ITGB4: variants seen among roughly 807,000 people sequenced by gnomAD.
The protein encoded by ITGB4 is integrin beta-4.
In ITGB4, 159 loss-of-function variants were observed where a neutral mutation model predicts 207.6. The ratio of observed to expected loss-of-function variants is 0.77; its 90% CI spans 0.67 to 0.87. The LOEUF (loss-of-function observed/expected upper bound fraction) is 0.87, where lower values mean the gene tolerates loss of function less well. Among genes scored for constraint, ITGB4 ranks in the 40% least tolerant of loss-of-function variants. ITGB4 has a pLI of 0.00. For missense variants in ITGB4, 2,278 were observed against 2,546.8 expected (o/e 0.89, Z 2.27); for synonymous variants, 1,020 against 1,062.7 (o/e 0.96, Z 0.78).
intron 30 of ITGB4, chr17:75,751,468 C>A: frequency 2.9e-6 from 1 of 346,692 alleles, no homozygotes. Context: ...ACAGGAGGTT[C>A]TGAATTTCAG....
Position 75,754,473 on chromosome 17 carries a change from C to T in ITGB4, c.4319-103C>T. On this transcript the variant is annotated intron_variant, in intron 33 of 39. Transcript: ENST00000200181. Reference sequence around the variant, plus strand: ...GAAACTGGTTGTATTTAAGCAAAAGCCACCCAGAGGGTGGGTGACCAGGAA... The same window carrying T: ...GAAACTGGTTGTATTTAAGCAAAAGTCACCCAGAGGGTGGGTGACCAGGAA... The T allele has an allele frequency of 2.0e-6, 3 of 1,469,470 alleles. No homozygotes were observed. In the South Asian group the frequency reaches 3.4e-5, roughly 17 times the overall value. 91.0% of individuals were successfully genotyped at this position (1,469,470 alleles called of 1,614,324 possible).
At position 75,727,310 on chromosome 17, in the gene ITGB4, G is replaced by A. The variant is rs1157366368; in HGVS notation, c.162+33G>A. 7 of 1,612,976 alleles carry A rather than the reference G, an allele frequency of 4.3e-6. No homozygotes were observed. The highest frequency in any genetic ancestry group is 5.9e-6 in the Non-Finnish European group (7 of 1,179,260). The stretch of plus-strand genomic sequence containing the variant: ...CCTGGCCCGGGTTGGTGTGGAACAG[G>A]CAAGGGTCGGGAATAGCTGGTGGAA... On this transcript the variant is annotated intron_variant, in intron 3 of 39. Transcript: ENST00000200181. This position sits in a 1 kb window ranked among gnomAD's most constrained non-coding sequence, Gnocchi z 6.0.
At position 75,727,430 on chromosome 17, in the gene ITGB4, C is replaced by G; in HGVS notation, c.189C>G (p.Thr63=). The change falls in exon 4 of 40, where the codon ACC becomes ACG. Residue 63 remains threonine, a synonymous_variant. Coordinates refer to ENST00000200181, the MANE Select transcript of ITGB4 (RefSeq NM_000213.5). This position sits in a 1 kb window ranked among gnomAD's most constrained non-coding sequence, Gnocchi z 6.0. ...TGTTCAGGGACCGGCGCTGCAACAC[C>G]CAGGCGGAGCTGCTGGCCGCGGGCT... ...DEMFRDRRCN[T]QAELLAAGCQ... 6.2e-7 allele frequency: 1 copy of G among 1,614,048 alleles called. No homozygotes were observed. Among genetic ancestry groups the G allele is most frequent in the Non-Finnish European group, 8.5e-7 (1 of 1,180,026 alleles).
chr17:75,734,818 G>A (rs2060939821), intron 13 of ITGB4, among the ~76,000 whole-genome samples: 1 of 152,224 alleles, frequency 6.6e-6, no homozygotes. Flanking sequence ...AGGGAGGTAT[G>A]AGAGAGGAAG....
intron 32 of ITGB4, among the ~76,000 whole-genome samples, chr17:75,753,073 A>G (rs954156524): frequency 6.6e-6 from 1 of 152,258 alleles, no homozygotes; most frequent in South Asian, 2.1e-4. Context: ...CCTGTGGGAC[A>G]TCAGATGAAT....
At position 75,750,126 on chromosome 17, in the gene ITGB4, G is replaced by C. The variant is rs1370395717; in HGVS notation, c.3332G>C (p.Ser1111Thr). The change falls in exon 28 of 40, where the codon AGC becomes ACC. Residue 1111 changes from serine to threonine, a missense_variant. Ser to Thr is a moderately conservative substitution (Grantham distance 58, BLOSUM62 1). Transcript: ENST00000200181. The surrounding 1 kb of genome is among the most constrained non-coding windows in gnomAD (Gnocchi z 5.5). ...GACCCGTTAGATGAACTGGACCGGA[G>C]CTTCACGAGTCAGATGTTGTCATCA... ...IIRDPDELDR[S>T]FTSQMLSSQP... 2 of 1,613,714 alleles carry C rather than the reference G, an allele frequency of 1.2e-6. No individual in the cohort carries two copies. Among genetic ancestry groups the C allele is most frequent in the East Asian group, 2.2e-5 (1 of 44,888 alleles).
At position 75,742,236 on chromosome 17, in the gene ITGB4, T is replaced by C; in HGVS notation, c.2634-105T>C. The C allele has an allele frequency of 7.0e-7, 1 of 1,428,076 alleles. No homozygotes were observed. The highest frequency in any genetic ancestry group is 1.8e-5 in the Admixed American group (1 of 55,608). The allele number at this position is 1,428,076 out of a possible 1,614,324, so 88.5% of individuals were successfully genotyped here. A position where few individuals can be genotyped will look rare whatever the true frequency, so the allele number is the denominator to read the frequency against. ...CCTCTGAAGACCCTGCACTTCTTGC[T>C]GTCTTACATCCTGGCCCCTGAAGGG... On this transcript the variant is annotated intron_variant, in intron 23 of 39. Coordinates refer to ENST00000200181, the MANE Select transcript of ITGB4 (RefSeq NM_000213.5). This position sits in a 1 kb window ranked among gnomAD's most constrained non-coding sequence, Gnocchi z 5.9.
In ITGB4 at chr17:75,737,401, C is replaced by T. The variant is rs140265734; in HGVS notation, c.2070C>T (p.Gly690=). ...ACAGCTACACCATGGAAGGTGACGG[C>T]GCCCCTGGGCCCAACAGCACTGTCC... The part of the protein sequence containing the change: ...CTYSYTMEGD[G]APGPNSTVLV... The change falls in exon 17 of 40, where the codon GGC becomes GGT. Residue 690 remains glycine (G), a synonymous_variant. Transcript: ENST00000200181. 84 of 1,563,508 alleles carry T rather than the reference C, an allele frequency of 5.4e-5. 1 individual carries two copies. The African/African-American group carries it at 9.1e-4, about 17-fold the overall frequency.
chr17:75,754,155 C>T (rs987518724), intron 33 of ITGB4, among the ~76,000 whole-genome samples, 181 bp downstream of exon 33: 1 of 152,156 alleles, frequency 6.6e-6, no homozygotes, highest in African/African-American at 2.4e-5. Flanking sequence ...GTGAGGCAGG[C>T]GCTTGGGCCC....
chr17:75,743,858 C>G lies in ITGB4; in HGVS notation c.3108C>G (p.Asn1036Lys), dbSNP rs767298960. ...YRTQDGTAQG[N>K]RDYIPVEGEL... The stretch of plus-strand genomic sequence containing the variant: ...CACAGGATGGCACCGCGCAGGGCAA[C>G]CGGGTGAGGCTGCGCCACAGGGTCG... Residue 1036 changes from asparagine to lysine, a missense_variant, in exon 26 of 40, where the codon AAC becomes AAG. Coordinates refer to ENST00000200181, the MANE Select transcript of ITGB4 (RefSeq NM_000213.5). 1 of 1,583,410 alleles carries G rather than the reference C, an allele frequency of 6.3e-7. No individual in the cohort carries two copies. The highest frequency in any genetic ancestry group is 1.1e-5 in the South Asian group (1 of 87,830).
intron 1 of ITGB4, among the ~76,000 whole-genome samples, chr17:75,723,502 C>A (rs1427706059): frequency 1.3e-5 from 2 of 152,230 alleles, no homozygotes; most frequent in Non-Finnish European, 2.9e-5. Context: ...CCTCTAGGAA[C>A]CCTGCTGTCC....
chr17:75,731,423 G>C lies in ITGB4; in HGVS notation c.1215+55G>C. The stretch of plus-strand genomic sequence containing the variant: ...GGATAGGCACAGCGCCCCACACCGA[G>C]TGGAATCGTTTAAAACAGCGGTCAA... On this transcript the variant is annotated intron_variant, in intron 10 of 39. Transcript: ENST00000200181. This position sits in a 1 kb window ranked among gnomAD's most constrained non-coding sequence, Gnocchi z 6.8. 1 of 1,560,446 alleles carries C rather than the reference G, an allele frequency of 6.4e-7. No individual in the cohort carries two copies. Among genetic ancestry groups the C allele is most frequent in the Non-Finnish European group, 8.7e-7 (1 of 1,144,118 alleles).
intron 32 of ITGB4, 112 bp from the exon 33 acceptor site, chr17:75,753,653 C>T: frequency 1.5e-6 from 1 of 675,900 alleles, no homozygotes; most frequent in Non-Finnish European, 2.1e-6. Context: ...ACCCCGGGAT[C>T]CCGGGAGCTG....
Position 75,757,049 on chromosome 17 carries a change from C to T in ITGB4, c.5160C>T (p.Thr1720=), listed in dbSNP as rs2061528606. ...ACAAGTTCAAGGTGCAGGCCAGGAC[C>T]ACTGAGGGCTTCGGGCCAGAGCGCG... The part of the protein sequence containing the change: ...VPYKFKVQAR[T]TEGFGPEREG... Residue 1720 remains threonine (T), a synonymous_variant, in exon 38 of 40, where the codon ACC becomes ACT. Transcript: ENST00000200181. The T allele has an allele frequency of 1.2e-6, 2 of 1,612,742 alleles. No homozygotes were observed. Among genetic ancestry groups the T allele is most frequent in the Admixed American group, 3.3e-5 (2 of 59,988 alleles).
chr17:75,730,639 C>G (rs1275513423), intron 8 of ITGB4, 135 bp downstream of exon 8: 3 of 1,118,336 alleles, frequency 2.7e-6, no homozygotes, highest in Non-Finnish European at 3.8e-6. Flanking sequence ...CCTCCCTTTC[C>G]TTCCTCCCTT....
intron 30 of ITGB4, 188 bp from the exon 31 acceptor site, chr17:75,751,986 T>A: frequency 1.4e-6 from 1 of 731,342 alleles, no homozygotes; most frequent in South Asian, 1.5e-5. Context: ...ACTGGTGACA[T>A]ATGTCCACGC....
intron 34 of ITGB4, chr17:75,755,088 G>A (rs139368129): frequency 1.2e-6 from 2 of 1,602,096 alleles, no homozygotes; most frequent in Non-Finnish European, 1.7e-6. Flanking sequence ...GGGAGGAGCA[G>A]GCTTCCGCTG....
At chr17:75,723,280 C>T (rs374699016) in intron 1 of ITGB4, among the ~76,000 whole-genome samples, 1 of 152,184 alleles carries the variant, frequency 6.6e-6, no homozygotes, top group East Asian at 1.9e-4. Flanking sequence ...CAATCTCCTC[C>T]GTGAAGCCCT....
Position 75,722,821 on chromosome 17 carries a change from C to T in ITGB4, c.-11+1209C>T, listed in dbSNP as rs2060643763. 6.7e-6 allele frequency among the ~76,000 whole-genome samples: 1 copy of T among 149,508 alleles called. No homozygotes were observed. Among genetic ancestry groups the T allele is most frequent in the South Asian group, 2.1e-4 (1 of 4,732 alleles). ...TGTGGGGGGGAAACTGCCTGTGCTG[C>T]AGTGTGATGGCATTCAGGGTGGCAG... On this transcript the variant is annotated intron_variant, in intron 1 of 39. Transcript: ENST00000200181. The surrounding 1 kb of genome is among the most constrained non-coding windows in gnomAD (Gnocchi z 6.2).
Sources: gnomAD v4.1 joint callset for allele counts (sites outside exome capture counted in the v4.1 genomes callset) on GRCh38, gnomAD v4.1.1 for gene constraint, Gnocchi (gnomAD v3.1) non-coding constraint, MANE v1.5 for transcripts, NCBI Gene and HGNC (gene_info 2026-07-23, HGNC 2026-07-21) for gene names.